Variants in CAMK1G observed in about 807,000 individuals in gnomAD.
The protein encoded by CAMK1G is calcium/calmodulin-dependent protein kinase type 1G.
Under a neutral mutation model 54.8 loss-of-function variants are expected in CAMK1G, and 27 were observed. That is an observed-to-expected ratio of 0.49 (90% confidence interval 0.36 to 0.68). The LOEUF is 0.68. Among genes scored for constraint, CAMK1G ranks in the 30% least tolerant of loss-of-function variants. The pLI, the probability that CAMK1G is intolerant of heterozygous loss-of-function variation, is 0.00. For synonymous variants in CAMK1G, 238 were observed against 224.9 expected (o/e 1.06, Z -0.52); for missense variants, 512 against 591.0 (o/e 0.87, Z 1.39).
intron 1 of CAMK1G, among the ~76,000 whole-genome samples, chr1:209,590,018 C>T (rs903346659): frequency 6.6e-6 from 1 of 152,192 alleles, no homozygotes; most frequent in Admixed American, 6.5e-5. Context: ...CCTGAGCTAT[C>T]GATGTGAAAA....
At chr1:209,603,160 T>G in intron 3 of CAMK1G, 54 bp from the exon 4 acceptor site, 1 of 1,587,412 alleles carries the variant, frequency 6.3e-7, no homozygotes, top group South Asian at 1.1e-5. Context: ...TCTGCATTAT[T>G]TGTCTGTACA....
At chr1:209,587,509 G>T (rs1210226187) in intron 1 of CAMK1G, among the ~76,000 whole-genome samples, 1 of 152,044 alleles carries the variant, frequency 6.6e-6, no homozygotes, top group Non-Finnish European at 1.5e-5. Context: ...AGCTAATGTG[G>T]ATTGTGAATC....
intron 7 of CAMK1G, among the ~76,000 whole-genome samples, 199 bp from the exon 8 acceptor site, chr1:209,608,781 A>G (rs1477869739): frequency 6.6e-6 from 1 of 152,212 alleles, no homozygotes; most frequent in African/African-American, 2.4e-5. Flanking sequence ...TGACTGTGCC[A>G]AGGCTTGGCA....
At chr1:209,612,376 T>C (rs1227183801) in intron 11 of CAMK1G, 160 bp downstream of exon 11, 2 of 730,120 alleles carry the variant, frequency 2.7e-6, no homozygotes, top group Non-Finnish European at 4.5e-6. Flanking sequence ...CTTCCAGCCC[T>C]GTCCCCATCA....
intron 1 of CAMK1G, among the ~76,000 whole-genome samples, chr1:209,588,405 T>TGGATG (rs1161848912): frequency 1.1e-5 from 1 of 93,812 alleles, no homozygotes; most frequent in East Asian, 2.8e-4. Flanking sequence ...TGGATTGGAT[T>TGGATG]GGATTGGATT....
chr1:209,609,284 T>C (rs1665723754), intron 8 of CAMK1G, among the ~76,000 whole-genome samples, 192 bp downstream of exon 8: 1 of 152,166 alleles, frequency 6.6e-6, no homozygotes, highest in Admixed American at 6.5e-5. Context: ...CTAAGAGCTA[T>C]GCTTTTGTTT....
intron 5 of CAMK1G, 77 bp from the exon 6 acceptor site, chr1:209,606,243 G>A: frequency 6.4e-7 from 1 of 1,565,672 alleles, no homozygotes; most frequent in Admixed American, 1.8e-5. Context: ...ATCTTCCTGT[G>A]AAATTTTGTA....
chr1:209,595,076 G>T lies in CAMK1G; in HGVS notation c.92+1G>T, dbSNP rs375265459. On this transcript the variant is annotated splice_donor_variant, in intron 2 of 12. Transcript: ENST00000361322. LOFTEE classifies it high-confidence loss of function. ...TCATTTTTATGGAAGTGCTGGGATC[G>T]TAAGTCCTGGGGCTGTGAGGTCGGG... The T allele has an allele frequency of 3.1e-6, 5 of 1,612,520 alleles. No individual in the cohort carries two copies. The highest frequency in any genetic ancestry group is 2.7e-5 in the African/African-American group (2 of 74,892).
chr1:209,612,386 A>C, intron 11 of CAMK1G, 170 bp downstream of exon 11: 1 of 696,322 alleles, frequency 1.4e-6, no homozygotes. Flanking sequence ...TGTCCCCATC[A>C]CTTACTAGTT....
At chr1:209,590,085 A>G (rs139343478) in intron 1 of CAMK1G, among the ~76,000 whole-genome samples, 6 of 152,194 alleles carry the variant, frequency 3.9e-5, no homozygotes, top group African/African-American at 1.4e-4. Context: ...TTGAAACCCA[A>G]TGGAAATTGT....
chr1:209,593,897 C>T (rs183955928), intron 1 of CAMK1G, among the ~76,000 whole-genome samples: 9 of 152,282 alleles, frequency 5.9e-5, no homozygotes, highest in Admixed American at 1.3e-4. Context: ...CTACAAAGCC[C>T]TTTATTGTCC....
chr1:209,607,071 C>T (rs12080730), intron 6 of CAMK1G, among the ~76,000 whole-genome samples: 3,823 of 152,204 alleles, frequency 0.025, 171 homozygotes, highest in East Asian at 0.23. Flanking sequence ...TCAGAGCATC[C>T]GCTCCTGTCC....
chr1:209,605,874 T>G (rs543086440), intron 5 of CAMK1G, among the ~76,000 whole-genome samples, 200 bp downstream of exon 5: 7 of 152,192 alleles, frequency 4.6e-5, no homozygotes, highest in Non-Finnish European at 8.8e-5. Flanking sequence ...TCCTGAAACT[T>G]TCACTATGCC....
At chr1:209,612,250 T>A in intron 11 of CAMK1G, 34 bp downstream of exon 11, 1 of 1,605,312 alleles carries the variant, frequency 6.2e-7, no homozygotes, top group South Asian at 1.1e-5. Flanking sequence ...GAGCCCCAGC[T>A]TGGGTCTGAA....
chr1:209,588,361 G>GGATTGGATTA (rs1187689016), intron 1 of CAMK1G, among the ~76,000 whole-genome samples: 19 of 17,768 alleles, frequency 1.1e-3, no homozygotes, highest in African/African-American at 2.6e-3. Context: ...GGAATGGATT[G>GGATTGGATTA]GATTGGATTG....
chr1:209,600,617 C>A (rs1665505018), intron 3 of CAMK1G, among the ~76,000 whole-genome samples: 1 of 152,182 alleles, frequency 6.6e-6, no homozygotes, highest in South Asian at 2.1e-4. Flanking sequence ...AGGATCAGAA[C>A]CACAAGGATG....
rs1468992158 is a variant in CAMK1G at position 209,613,187 on chromosome 1, C to T, written c.*185C>T. On this transcript the variant is annotated 3_prime_UTR_variant, in exon 13 of 13. Transcript: ENST00000361322. ...CAGCGGGGCAGCCCCTCATAGGAGG[C>T]CCAGGAGGGAGCCCCAAGGCGTAGA... is the stretch of plus-strand genomic sequence containing the variant. 1.6e-5 allele frequency: 5 copies of T among 307,674 alleles called. No individual in the cohort carries two copies. Among genetic ancestry groups the T allele is most frequent in the Non-Finnish European group, 3.2e-5 (5 of 157,236 alleles). The allele number at this position is 307,674 out of a possible 1,614,324, so 19.1% of individuals were successfully genotyped here.
intron 9 of CAMK1G, 90 bp from the exon 10 acceptor site, chr1:209,611,375 C>T: frequency 8.8e-7 from 1 of 1,133,494 alleles, no homozygotes; most frequent in Non-Finnish European, 1.3e-6. Flanking sequence ...CTCTACCCAG[C>T]TCTCACCTAG....
intron 5 of CAMK1G, 88 bp from the exon 6 acceptor site, chr1:209,606,231 TC>T (rs1665646825): frequency 6.5e-7 from 1 of 1,537,194 alleles, no homozygotes; most frequent in African/African-American, 1.4e-5. Flanking sequence ...AGCCCAGGGC[TC>T]ATCTTCCTGT....
Sources: gnomAD v4.1 joint callset for allele counts (sites outside exome capture counted in the v4.1 genomes callset) on GRCh38, gnomAD v4.1.1 for gene constraint, MANE v1.5 for transcripts, NCBI Gene and HGNC (gene_info 2026-07-23, HGNC 2026-07-21) for gene names.